Variants in GMDS observed in about 807,000 individuals in gnomAD.
GMDS encodes the protein GDP-mannose 4,6-dehydratase, also known as GDP-mannose 4,6 dehydratase.
GMDS carries 20 observed loss-of-function variants against 49.9 expected under a neutral mutation model. The observed-to-expected ratio is 0.40, with a 90% CI of 0.28 to 0.58. The LOEUF is 0.58. Among genes scored for constraint, GMDS ranks in the 20% least tolerant of loss-of-function variants. The pLI is 0.42. For synonymous variants in GMDS, 177 were observed against 178.6 expected, an observed-to-expected ratio of 0.99 and a Z score of 0.07; for missense variants, 362 against 481.4, an observed-to-expected ratio of 0.75 and a Z score of 2.32.
intron 4 of GMDS, 139 bp from the exon 5 acceptor site, chr6:1,961,105 C>CGT: frequency 2.0e-6 from 1 of 494,640 alleles, no homozygotes; most frequent in Non-Finnish European, 3.6e-6. Flanking sequence ...ACAATAAGAA[C>CGT]GTGGATGTCA....
At chr6:2,064,529 G>T (rs1329100720) in intron 4 of GMDS, among the ~76,000 whole-genome samples, 1 of 152,090 alleles carries the variant, frequency 6.6e-6, no homozygotes, top group Non-Finnish European at 1.5e-5. Context: ...CATGTGAAGG[G>T]AAAACCTGTT....
chr6:1,838,873 A>T (rs561238696), intron 7 of GMDS, among the ~76,000 whole-genome samples: 2 of 152,366 alleles, frequency 1.3e-5, no homozygotes, highest in African/African-American at 4.8e-5. Context: ...CTCATAAGGT[A>T]TATCTCATCT....
chr6:2,123,492 C>T (rs1400118584), intron 2 of GMDS, among the ~76,000 whole-genome samples: 3 of 152,208 alleles, frequency 2.0e-5, no homozygotes, highest in African/African-American at 7.2e-5. Context: ...CTCAGCTCAT[C>T]CCAAATATCT....
intron 4 of GMDS, among the ~76,000 whole-genome samples, chr6:1,975,676 A>C (rs1324020344): frequency 6.6e-6 from 1 of 152,234 alleles, no homozygotes; most frequent in Non-Finnish European, 1.5e-5. Context: ...AAACTGCAAG[A>C]TCTCTTGGGG....
In GMDS at chr6:1,836,343, G is replaced by C. The variant is rs965635919; in HGVS notation, c.772-93757C>G. Among the ~76,000 whole-genome samples the C allele has an allele frequency of 1.3e-4, 20 of 152,168 alleles. No homozygotes were observed. Among genetic ancestry groups the C allele is most frequent in the African/African-American group, 4.8e-4 (20 of 41,432 alleles). On this transcript the variant is annotated intron_variant, in intron 7 of 10. Coordinates refer to ENST00000380815, the MANE Select transcript of GMDS (RefSeq NM_001500.4). The surrounding 1 kb of genome is among the most constrained non-coding windows in gnomAD (Gnocchi z 4.2). ...GTAGAGGCCAAATGAAATGCTCACA[G>C]ATCGGCATATGTATGTTACCACGTC...
At chr6:1,817,807 G>A (rs1235050846) in intron 7 of GMDS, among the ~76,000 whole-genome samples, 1 of 152,148 alleles carries the variant, frequency 6.6e-6, no homozygotes, top group Non-Finnish European at 1.5e-5. Context: ...TGCACCCTAG[G>A]ACGGAGGTAA....
intron 1 of GMDS, among the ~76,000 whole-genome samples, chr6:2,211,518 T>C (rs1203126324): frequency 1.3e-5 from 2 of 152,188 alleles, no homozygotes; most frequent in Admixed American, 6.5e-5. Flanking sequence ...ATCTGCCCTA[T>C]ATGTTTTTTT....
At chr6:2,203,669 T>C (rs1486068687) in intron 1 of GMDS, among the ~76,000 whole-genome samples, 1 of 151,978 alleles carries the variant, frequency 6.6e-6, no homozygotes, top group African/African-American at 2.4e-5. Flanking sequence ...GAAAAAAAAA[T>C]GTGTTTTTAA....
At chr6:1,749,028 G>C (rs1385722239) in intron 7 of GMDS, among the ~76,000 whole-genome samples, 1 of 152,126 alleles carries the variant, frequency 6.6e-6, no homozygotes, top group Non-Finnish European at 1.5e-5. Flanking sequence ...TCTTAGGAGG[G>C]GGAACAGGAA....
At chr6:1,975,593 G>A (rs1764854232) in intron 4 of GMDS, among the ~76,000 whole-genome samples, 1 of 152,200 alleles carries the variant, frequency 6.6e-6, no homozygotes. Flanking sequence ...ATCTAGGAAA[G>A]GGAATACACT....
At chr6:1,951,257 G>A (rs1225567448) in intron 6 of GMDS, among the ~76,000 whole-genome samples, 2 of 152,056 alleles carry the variant, frequency 1.3e-5, no homozygotes, top group East Asian at 3.9e-4. Flanking sequence ...GATAAATACA[G>A]TCAGACATTT....
At chr6:1,630,977 C>T (rs1161068498) in intron 9 of GMDS, among the ~76,000 whole-genome samples, 2 of 152,142 alleles carry the variant, frequency 1.3e-5, no homozygotes, top group Admixed American at 1.3e-4. Context: ...AAAGCCAGCA[C>T]CATGTTGGTC....
chr6:1,888,803 T>C (rs564754380), intron 7 of GMDS, among the ~76,000 whole-genome samples: 15 of 152,342 alleles, frequency 9.8e-5, no homozygotes, highest in Admixed American at 2.6e-4. Flanking sequence ...GGTACAGGCA[T>C]TGGGTAAATG....
intron 7 of GMDS, among the ~76,000 whole-genome samples, chr6:1,893,411 C>G (rs539900776): frequency 4.6e-5 from 7 of 152,034 alleles, no homozygotes; most frequent in South Asian, 4.2e-4. Flanking sequence ...AGGCTGGTCT[C>G]GAACTCCTGA....
At chr6:1,713,763 T>C (rs2113401010) in intron 9 of GMDS, among the ~76,000 whole-genome samples, 1 of 152,318 alleles carries the variant, frequency 6.6e-6, no homozygotes, top group South Asian at 2.1e-4. Flanking sequence ...CATAGTCTCT[T>C]CTCTTTTTCT....
chr6:2,005,531 A>G (rs1431579930), intron 4 of GMDS, among the ~76,000 whole-genome samples: 1 of 152,158 alleles, frequency 6.6e-6, no homozygotes, highest in Non-Finnish European at 1.5e-5. Flanking sequence ...CTCATTTTCC[A>G]TCAGAAATCT....
At chr6:1,739,262 G>A (rs1257018714) in intron 8 of GMDS, among the ~76,000 whole-genome samples, 2 of 152,194 alleles carry the variant, frequency 1.3e-5, no homozygotes, top group Non-Finnish European at 2.9e-5. Context: ...TGTGTGACCT[G>A]GGGAGAGCAC....
chr6:1,669,713 G>C (rs1338362369), intron 9 of GMDS, among the ~76,000 whole-genome samples: 1 of 151,924 alleles, frequency 6.6e-6, no homozygotes, highest in Non-Finnish European at 1.5e-5. Flanking sequence ...AGGAGTTCAA[G>C]ACCAGCCTGG....
intron 1 of GMDS, among the ~76,000 whole-genome samples, chr6:2,163,816 G>A (rs922429094): frequency 5.3e-5 from 8 of 152,154 alleles, no homozygotes; most frequent in African/African-American, 1.9e-4. Flanking sequence ...GCTGCATTAG[G>A]TTTCCCAATT....
Sources: gnomAD v4.1 joint callset for allele counts (sites outside exome capture counted in the v4.1 genomes callset) on GRCh38, gnomAD v4.1.1 for gene constraint, Gnocchi (gnomAD v3.1) non-coding constraint, MANE v1.5 for transcripts, NCBI Gene and HGNC (gene_info 2026-07-23, HGNC 2026-07-21) for gene names.